Variants in SVEP1 observed in about 807,000 individuals in gnomAD.
The protein encoded by SVEP1 is sushi, von Willebrand factor type A, EGF and pentraxin domain-containing protein 1.
In SVEP1, 164 loss-of-function variants were observed where a neutral mutation model predicts 367.3. The observed-to-expected ratio is 0.45, with a 90% CI of 0.39 to 0.51. The LOEUF (loss-of-function observed/expected upper bound fraction) is 0.51, where lower values mean the gene tolerates loss of function less well. SVEP1 is among the 20% of genes least tolerant of loss of function. The pLI, the probability that SVEP1 is intolerant of heterozygous loss-of-function variation, is 0.00. For synonymous variants in SVEP1, 1,666 were observed against 1,611.6 expected, an observed-to-expected ratio of 1.03 and a Z score of -0.81; for missense variants, 4,117 against 4,425.3, an observed-to-expected ratio of 0.93 and a Z score of 1.98.
chr9:110,410,986 A>C, intron 37 of SVEP1, 77 bp downstream of exon 37: 1 of 1,354,808 alleles, frequency 7.4e-7, no homozygotes, highest in Non-Finnish European at 9.9e-7. Flanking sequence ...GTTTGGACTC[A>C]ATTATTTGTT....
At chr9:110,499,295 T>C (rs1396169340) in intron 6 of SVEP1, 57 bp from the exon 7 acceptor site, 4 of 1,505,782 alleles carry the variant, frequency 2.7e-6, no homozygotes, top group Non-Finnish European at 3.6e-6. Context: ...GGAAATGCCA[T>C]GGATTCTTTT....
chr9:110,406,774 A>C lies in SVEP1; in HGVS notation c.8826T>G (p.Pro2942=). 1 of 1,614,042 alleles carries C rather than the reference A, an allele frequency of 6.2e-7. No homozygotes were observed. The highest frequency in any genetic ancestry group is 1.1e-5 in the South Asian group (1 of 91,086). The change falls in exon 38 of 48, where the codon CCT becomes CCG. Residue 2942 remains proline, a synonymous_variant. Transcript: ENST00000374469. ...GTCCACAGTTGACTGGTTTACAGAG[A>C]GGAATCTCTGCATCCCAGTTGCCAT... is the stretch of plus-strand genomic sequence containing the variant. ...QSDGNWDAEI[P]LCKPVNCGPP... is the part of the protein sequence containing the mutation.
chr9:110,447,029 A>G lies in SVEP1; in HGVS notation c.4132T>C (p.Ser1378Pro). 1 of 1,533,940 alleles carries G rather than the reference A, an allele frequency of 6.5e-7. No homozygotes were observed. The stretch of plus-strand genomic sequence containing the variant: ...TCATTGATGTTCAATTCACAGTGTG[A>G]TCCTGTGAAGCCAGCTGCACACAGG... ...RCLCAAGFTG[S>P]HCELNINECQ... The change falls in exon 25 of 48, where the codon TCA becomes CCA. Residue 1378 changes from serine (S) to proline (P), a missense_variant. Transcript: ENST00000374469.
chr9:110,467,751 T>A (rs978992432), intron 17 of SVEP1, among the ~76,000 whole-genome samples: 3 of 151,048 alleles, frequency 2.0e-5, no homozygotes, highest in Admixed American at 6.6e-5. Context: ...TCCTCCCACC[T>A]CATTCTCCTG....
At chr9:110,457,189 T>C (rs1828788444) in intron 21 of SVEP1, 67 bp downstream of exon 21, 1 of 1,304,368 alleles carries the variant, frequency 7.7e-7, no homozygotes, top group Admixed American at 2.5e-5. Context: ...TACTAAAGTT[T>C]GATACTGCAA....
intron 22 of SVEP1, among the ~76,000 whole-genome samples, chr9:110,453,592 G>A (rs1299858850): frequency 6.6e-6 from 1 of 151,712 alleles, no homozygotes; most frequent in African/African-American, 2.4e-5. Context: ...CTGGCCAGGG[G>A]CGGGGTGGCT....
chr9:110,565,117 T>C (rs1830475366), intron 1 of SVEP1, among the ~76,000 whole-genome samples: 1 of 152,188 alleles, frequency 6.6e-6, no homozygotes, highest in Admixed American at 6.5e-5. Flanking sequence ...CTGAAGAAAG[T>C]ACTAAAATAG....
At chr9:110,556,845 T>G (rs1006277537) in intron 1 of SVEP1, among the ~76,000 whole-genome samples, 4 of 152,192 alleles carry the variant, frequency 2.6e-5, no homozygotes, top group African/African-American at 7.2e-5. Flanking sequence ...GAAGGAAATA[T>G]AAATAAATAA....
chr9:110,402,585 T>G lies in SVEP1; in HGVS notation c.9667-1576A>C, dbSNP rs1588035550. Reference sequence around the variant, plus strand: ...ATGAAGGTTGTGAAAAATAAATTATTGACTTAAAAAAAAAAGAGCTTAGTA... The same window carrying G: ...ATGAAGGTTGTGAAAAATAAATTATGGACTTAAAAAAAAAAGAGCTTAGTA... On this transcript the variant is annotated intron_variant, in intron 39 of 47. Coordinates refer to ENST00000374469, the MANE Select transcript of SVEP1 (RefSeq NM_153366.4). Among the ~76,000 whole-genome samples the G allele has an allele frequency of 2.0e-5, 3 of 152,106 alleles. No individual in the cohort carries two copies. The South Asian group carries it at 6.2e-4, about 32-fold the overall frequency.
chr9:110,443,167 A>G, intron 27 of SVEP1: 1 of 161,894 alleles, frequency 6.2e-6, no homozygotes, highest in Non-Finnish European at 1.3e-5. Context: ...CTATTTGAAA[A>G]GGGCCATAAA....
chr9:110,457,217 TA>T, intron 21 of SVEP1, 38 bp downstream of exon 21: 1 of 1,459,352 alleles, frequency 6.9e-7, no homozygotes, highest in Non-Finnish European at 9.4e-7. Flanking sequence ...TGATTTCATA[TA>T]AAATATATTA....
intron 27 of SVEP1, chr9:110,442,461 C>CTTTTTTTTTTT (rs11290774): frequency 3.0e-5 from 4 of 133,470 alleles, no homozygotes; most frequent in Non-Finnish European, 3.2e-5. Context: ...TTTCTTTTTT[C>CTTTTTTTTTTT]TTTTTTTTTT....
At position 110,405,560 on chromosome 9, in the gene SVEP1, G is replaced by A. The variant is rs957948681; in HGVS notation, c.9440+600C>T. 4.0e-5 allele frequency among the ~76,000 whole-genome samples: 6 copies of A among 151,510 alleles called. 1 individual carries two copies. Among genetic ancestry groups the A allele is most frequent in the Non-Finnish European group, 8.8e-5 (6 of 67,908 alleles). On this transcript the variant is annotated intron_variant, in intron 38 of 47. Transcript: ENST00000374469. ...AATATGTATTATGAATACCTACGTG[G>A]ACTCAGATACTAGTAGGAATACAGC...
chr9:110,500,345 T>C (rs1389035183), intron 6 of SVEP1, among the ~76,000 whole-genome samples: 1 of 152,228 alleles, frequency 6.6e-6, no homozygotes, highest in Non-Finnish European at 1.5e-5. Context: ...CAGCTGGGCC[T>C]ATATAAAGTA....
intron 38 of SVEP1, among the ~76,000 whole-genome samples, chr9:110,405,625 T>C (rs1292008102): frequency 6.6e-6 from 1 of 152,158 alleles, no homozygotes; most frequent in South Asian, 2.1e-4. Flanking sequence ...TGGACTCAGA[T>C]ACTAGTAGGA....
At chr9:110,471,668 T>TAACATCACAGG in intron 15 of SVEP1, 71 bp from the exon 16 acceptor site, 1 of 1,182,034 alleles carries the variant, frequency 8.5e-7, no homozygotes. Context: ...AGTTAATTTT[T>TAACATCACAGG]TACCAAACAG....
intron 3 of SVEP1, among the ~76,000 whole-genome samples, chr9:110,514,332 T>A (rs1829767792): frequency 6.6e-6 from 1 of 151,748 alleles, no homozygotes; most frequent in African/African-American, 2.4e-5. Flanking sequence ...GCCAACATGA[T>A]GAAACCCTGT....
intron 44 of SVEP1, among the ~76,000 whole-genome samples, chr9:110,378,146 C>A (rs1302031518): frequency 6.6e-6 from 1 of 152,130 alleles, no homozygotes; most frequent in Non-Finnish European, 1.5e-5. Flanking sequence ...CATCATCTAT[C>A]AACATACATT....
At chr9:110,508,676 GC>G (rs1476315265) in intron 5 of SVEP1, among the ~76,000 whole-genome samples, 12 of 149,792 alleles carry the variant, frequency 8.0e-5, no homozygotes, top group African/African-American at 2.9e-4. Context: ...CAGGAGAATG[GC>G]GTGAACCCAG....
Sources: gnomAD v4.1 joint callset for allele counts (sites outside exome capture counted in the v4.1 genomes callset) on GRCh38, gnomAD v4.1.1 for gene constraint, MANE v1.5 for transcripts, NCBI Gene and HGNC (gene_info 2026-07-23, HGNC 2026-07-21) for gene names.